The following PTPRT variants were observed in gnomAD, a reference collection of about 807,000 sequenced individuals.
The protein encoded by PTPRT is receptor-type tyrosine-protein phosphatase T.
In PTPRT, 56 loss-of-function variants were observed where a neutral mutation model predicts 176.8. The observed-to-expected ratio is 0.32, with a 90% confidence interval of 0.26 to 0.40. The LOEUF (loss-of-function observed/expected upper bound fraction) is 0.40, where lower values mean the gene tolerates loss of function less well. Among genes scored for constraint, PTPRT ranks in the 10% least tolerant of loss-of-function variants. PTPRT has a pLI of 1.00. For synonymous variants in PTPRT, 783 were observed against 739.0 expected, an observed-to-expected ratio of 1.06 and a Z score of -0.96; for missense variants, 1,540 against 1,908.2, an observed-to-expected ratio of 0.81 and a Z score of 3.60.
chr20:42,579,815 A>ATG (rs1385877189), intron 7 of PTPRT, among the ~76,000 whole-genome samples: 1 of 152,184 alleles, frequency 6.6e-6, no homozygotes, highest in African/African-American at 2.4e-5. Flanking sequence ...CTTTTGTCAG[A>ATG]TGAGTAGATT....
the PTPRT span, among the ~76,000 whole-genome samples, chr20:42,045,274 C>CTGTGTG: frequency 1.3e-5 from 2 of 151,770 alleles, no homozygotes; most frequent in African/African-American, 4.8e-5. Flanking sequence ...TAAAGGAGGA[C>CTGTGTG]CAAGACCATC....
chr20:42,213,066 G>A (rs949150018), intron 15 of PTPRT, among the ~76,000 whole-genome samples: 8 of 152,110 alleles, frequency 5.3e-5, no homozygotes, highest in Admixed American at 1.3e-4. Context: ...CCACCGATGC[G>A]GAACAGCTGT....
chr20:42,101,382 T>C (rs1405150375), intron 26 of PTPRT, among the ~76,000 whole-genome samples: 1 of 152,142 alleles, frequency 6.6e-6, no homozygotes, highest in Admixed American at 6.5e-5. Context: ...TGGTCCATAG[T>C]TCCTTCCTAC....
intron 2 of PTPRT, among the ~76,000 whole-genome samples, chr20:42,822,870 T>C (rs2077921712): frequency 6.6e-6 from 1 of 151,982 alleles, no homozygotes; most frequent in African/African-American, 2.4e-5. Context: ...GTCAGAATGG[T>C]GATTATTAAA....
chr20:42,457,438 G>T (rs1183267496), intron 8 of PTPRT, among the ~76,000 whole-genome samples: 1 of 152,014 alleles, frequency 6.6e-6, no homozygotes. Context: ...TTGTTAGGGG[G>T]TATTTACTTT....
intron 16 of PTPRT, among the ~76,000 whole-genome samples, chr20:42,197,057 ACT>A (rs1430683395): frequency 6.6e-6 from 1 of 152,032 alleles, no homozygotes; most frequent in Non-Finnish European, 1.5e-5. Flanking sequence ...ATTGTGGAAC[ACT>A]CTGCAGGACG....
intron 1 of PTPRT, among the ~76,000 whole-genome samples, chr20:42,987,663 C>T (rs1600625332): frequency 2.0e-5 from 3 of 151,696 alleles, no homozygotes; most frequent in East Asian, 3.9e-4. Context: ...ACAGTTTCCT[C>T]GGCTAAAGCC....
chr20:42,469,850 G>C (rs555443249), intron 8 of PTPRT, among the ~76,000 whole-genome samples: 8 of 152,174 alleles, frequency 5.3e-5, no homozygotes, highest in African/African-American at 1.9e-4. Flanking sequence ...GTGAGAATTA[G>C]GGGCAGGGTG....
rs1206234240 is a variant in PTPRT at position 42,743,664 on chromosome 20, G to A, written c.859+12798C>T. ...AGGCCACATCTCTTCTTAGGTAAAT[G>A]TCCGCTAAGCACGGCTTCTGAGCTC... On this transcript the variant is annotated intron_variant, in intron 6 of 30. Transcript: ENST00000373187. Among the ~76,000 whole-genome samples, 5 of 152,184 alleles carry A rather than the reference G, an allele frequency of 3.3e-5. No homozygotes were observed. The East Asian group carries it at 9.6e-4, about 29-fold the overall frequency.
At chr20:42,067,751 A>C in the PTPRT span, among the ~76,000 whole-genome samples, 1 of 152,178 alleles carries the variant, frequency 6.6e-6, no homozygotes, top group Non-Finnish European at 1.5e-5. Context: ...CCTAGATCAA[A>C]AGCCTGGTTG....
chr20:42,644,882 T>C (rs888674414), intron 7 of PTPRT, among the ~76,000 whole-genome samples: 2 of 152,174 alleles, frequency 1.3e-5, no homozygotes, highest in Non-Finnish European at 2.9e-5. Flanking sequence ...TGCTCTTCCA[T>C]TTCTCATTGA....
chr20:42,065,747 G>A, the PTPRT span, among the ~76,000 whole-genome samples: 1 of 152,204 alleles, frequency 6.6e-6, no homozygotes, highest in Non-Finnish European at 1.5e-5. Flanking sequence ...TAATTACAAG[G>A]AGGGTGAGCG....
intron 7 of PTPRT, among the ~76,000 whole-genome samples, chr20:42,666,435 G>A (rs974131080): frequency 6.6e-6 from 1 of 152,086 alleles, no homozygotes; most frequent in African/African-American, 2.4e-5. Flanking sequence ...AATTATTATA[G>A]TTTTTACAAA....
At chr20:42,975,935 AAAAG>A (rs1287108069) in intron 1 of PTPRT, among the ~76,000 whole-genome samples, 1 of 152,146 alleles carries the variant, frequency 6.6e-6, no homozygotes, top group African/African-American at 2.4e-5. Context: ...CCAAAAAAAA[AAAAG>A]AGAGAACATC....
intron 27 of PTPRT, among the ~76,000 whole-genome samples, chr20:42,093,569 C>T (rs1984862584): frequency 6.6e-6 from 1 of 152,224 alleles, no homozygotes; most frequent in Admixed American, 6.5e-5. Flanking sequence ...TGAGAGCTTA[C>T]ACCCTCTTCT....
intron 1 of PTPRT, among the ~76,000 whole-genome samples, chr20:42,985,393 G>A (rs1983514485): frequency 6.6e-6 from 1 of 152,082 alleles, no homozygotes; most frequent in African/African-American, 2.4e-5. Flanking sequence ...TACTCGGGAG[G>A]CTGAGACAGG....
intron 6 of PTPRT, among the ~76,000 whole-genome samples, chr20:42,706,173 C>G (rs1436569561): frequency 7.5e-6 from 1 of 132,904 alleles, no homozygotes; most frequent in African/African-American, 3.3e-5. Flanking sequence ...CTCTCTCTCT[C>G]TCTGTTTGTG....
At chr20:42,808,746 G>A (rs1407788433) in intron 2 of PTPRT, among the ~76,000 whole-genome samples, 1 of 152,210 alleles carries the variant, frequency 6.6e-6, no homozygotes, top group African/African-American at 2.4e-5. Context: ...CTGGGAGGCT[G>A]GGGAATGTCA....
At chr20:42,308,178 C>A (rs1294440532) in intron 12 of PTPRT, among the ~76,000 whole-genome samples, 1 of 152,036 alleles carries the variant, frequency 6.6e-6, no homozygotes, top group South Asian at 2.1e-4. Flanking sequence ...AAATGGCCAA[C>A]CAGCAGCTCA....
Sources: gnomAD v4.1 joint callset for allele counts (sites outside exome capture counted in the v4.1 genomes callset) on GRCh38, gnomAD v4.1.1 for gene constraint, MANE v1.5 for transcripts, NCBI Gene and HGNC (gene_info 2026-07-23, HGNC 2026-07-21) for gene names.